Variants in DISC1 observed in about 807,000 individuals in gnomAD.
The protein encoded by DISC1 is disrupted in schizophrenia 1 protein.
A neutral mutation model predicts 84.5 loss-of-function variants in DISC1; 57 were observed. The observed-to-expected ratio is 0.67, with a 90% confidence interval of 0.55 to 0.84. DISC1 has a LOEUF of 0.84. Among genes scored for constraint, DISC1 ranks in the 40% least tolerant of loss-of-function variants. The pLI is 0.00. For missense variants in DISC1, 1,000 were observed against 1,057.8 expected (o/e 0.95, Z 0.76); for synonymous variants, 411 against 415.2 (o/e 0.99, Z 0.12).
intron 9 of DISC1, among the ~76,000 whole-genome samples, chr1:231,870,185 A>C (rs946519905): frequency 1.3e-5 from 2 of 152,162 alleles, no homozygotes; most frequent in African/African-American, 4.8e-5. Context: ...GAAGCTCCTG[A>C]TATGGGAACA....
rs369855817 is a variant in DISC1, at chr1:231,697,489, G to A, written c.1047+2684G>A. Among the ~76,000 whole-genome samples, 27 of 152,086 alleles carry A rather than the reference G, an allele frequency of 1.8e-4. 1 individual carries two copies. The South Asian group carries it at 5.4e-3, about 30-fold the overall frequency. On this transcript the variant is annotated intron_variant, in intron 2 of 12. Transcript: ENST00000439617. ...GACGGGGTCTCTGTCTTCCAGGCTG[G>A]GGTGCAGTGGTGTGATCATAACTCA...
intron 1 of DISC1, among the ~76,000 whole-genome samples, chr1:231,639,714 T>C (rs1165740413): frequency 6.6e-6 from 1 of 152,170 alleles, no homozygotes; most frequent in African/African-American, 2.4e-5. Context: ...ATTTACACAG[T>C]TGTAGTGAAG....
At chr1:231,850,850 C>T (rs1392863698) in intron 9 of DISC1, among the ~76,000 whole-genome samples, 1 of 152,190 alleles carries the variant, frequency 6.6e-6, no homozygotes. Context: ...CGCTCTGGCT[C>T]TCTGCTATCT....
intron 9 of DISC1, among the ~76,000 whole-genome samples, chr1:231,832,697 C>T (rs112855008): frequency 0.21 from 29,704 of 138,578 alleles, 3,571 homozygotes; most frequent in Non-Finnish European, 0.24. Flanking sequence ...GTTTGAGATC[C>T]AGAACAGAAT....
rs376548822 is a variant in DISC1 at position 232,015,449 on chromosome 1, G to A, written c.2307+6400G>A. 1.2e-4 allele frequency among the ~76,000 whole-genome samples: 18 copies of A among 152,250 alleles called. No individual in the cohort carries two copies. In the South Asian group the frequency reaches 1.2e-3, roughly 11 times the overall value. ...TGAATGGCAAGGACTCATTTTCTGC[G>A]TTTGTAACAGAGGAGGTGTTATCCA... On this transcript the variant is annotated intron_variant, in intron 11 of 12. Coordinates refer to ENST00000439617, the MANE Select transcript of DISC1 (RefSeq NM_018662.3).
chr1:231,959,894 CG>C (rs1238558882), intron 10 of DISC1, among the ~76,000 whole-genome samples: 16 of 152,296 alleles, frequency 1.1e-4, no homozygotes, highest in Admixed American at 1.3e-4. Flanking sequence ...CGCATGTGTT[CG>C]GGGCAGATTT....
At chr1:231,766,963 A>G (rs952165226) in intron 4 of DISC1, among the ~76,000 whole-genome samples, 177 bp from the exon 5 acceptor site, 1 of 152,204 alleles carries the variant, frequency 6.6e-6, no homozygotes, top group African/African-American at 2.4e-5. Flanking sequence ...ATCACAAGAG[A>G]TTGTAATTCA....
chr1:231,822,435 C>T (rs1382461319), intron 9 of DISC1, among the ~76,000 whole-genome samples: 3 of 151,998 alleles, frequency 2.0e-5, no homozygotes, highest in Admixed American at 6.5e-5. Flanking sequence ...ATTTGTCTTT[C>T]GGTGAGTAAG....
Position 231,818,518 on chromosome 1 carries a change from G to A in DISC1, c.1981+1G>A, listed in dbSNP as rs748476505. On this transcript the variant is annotated splice_donor_variant, in intron 9 of 12. Transcript: ENST00000439617. LOFTEE classifies it high-confidence loss of function. ...GTGGAGCACCAGGAGACTGCCTATG[G>A]TAGGTAGTGCACAACTGTTCCCCGG... The A allele has an allele frequency of 6.2e-7, 1 of 1,614,040 alleles. No individual in the cohort carries two copies. The highest frequency in any genetic ancestry group is 1.1e-5 in the South Asian group (1 of 91,076).
intron 3 of DISC1, among the ~76,000 whole-genome samples, chr1:231,728,813 C>G (rs1036208528): frequency 1.1e-5 from 1 of 90,078 alleles, no homozygotes; most frequent in Non-Finnish European, 2.6e-5. Flanking sequence ...GTGTATCTTT[C>G]GGCTTCTCCT....
chr1:231,892,302 CAG>C (rs1448991879), intron 9 of DISC1, among the ~76,000 whole-genome samples: 3 of 152,156 alleles, frequency 2.0e-5, no homozygotes, highest in Admixed American at 6.5e-5. Flanking sequence ...GCATGAAACA[CAG>C]AGAATTCTTG....
intron 7 of DISC1, among the ~76,000 whole-genome samples, chr1:231,798,228 GGGTTACCCAAACCAAAA>G (rs1372718240): frequency 6.6e-6 from 1 of 151,704 alleles, no homozygotes; most frequent in Non-Finnish European, 1.5e-5. Context: ...AAACTCTTAT[GGGTTACCCAAACCAAAA>G]GTAATTAAGG....
intron 11 of DISC1, among the ~76,000 whole-genome samples, chr1:232,020,283 A>C (rs959680659): frequency 1.3e-5 from 2 of 152,172 alleles, no homozygotes; most frequent in African/African-American, 4.8e-5. Flanking sequence ...CAGAGGTCGC[A>C]GTGAGCCGAG....
chr1:231,999,004 A>G (rs1666318963), intron 10 of DISC1, among the ~76,000 whole-genome samples: 1 of 152,160 alleles, frequency 6.6e-6, no homozygotes, highest in South Asian at 2.1e-4. Context: ...GCAAATTTAT[A>G]TGGAAAAACA....
chr1:231,934,288 T>C (rs2090850082), intron 9 of DISC1, among the ~76,000 whole-genome samples: 1 of 152,196 alleles, frequency 6.6e-6, no homozygotes, highest in Admixed American at 6.5e-5. Flanking sequence ...GTTAGTTAAA[T>C]ATTGAAATAA....
chr1:231,678,054 T>A (rs961928984), intron 1 of DISC1, among the ~76,000 whole-genome samples: 1 of 152,080 alleles, frequency 6.6e-6, no homozygotes, highest in African/African-American at 2.4e-5. Context: ...GTAAACCTCA[T>A]ACATAATGAT....
At chr1:231,766,832 G>C (rs1401087933) in intron 4 of DISC1, among the ~76,000 whole-genome samples, 1 of 152,132 alleles carries the variant, frequency 6.6e-6, no homozygotes, top group Non-Finnish European at 1.5e-5. Context: ...AATCTGGTGT[G>C]TGTTTTACAC....
intron 9 of DISC1, chr1:231,944,911 C>T (rs1338874111): frequency 1.3e-5 from 2 of 152,208 alleles, no homozygotes; most frequent in Non-Finnish European, 2.9e-5. Context: ...AATATATCTG[C>T]ACCCAATACA....
chr1:231,799,314 T>C (rs1179757387), intron 7 of DISC1, among the ~76,000 whole-genome samples: 1 of 152,154 alleles, frequency 6.6e-6, no homozygotes, highest in Non-Finnish European at 1.5e-5. Context: ...ACAGTGTCTA[T>C]TAATACTAGT....
Sources: gnomAD v4.1 joint callset for allele counts (sites outside exome capture counted in the v4.1 genomes callset) on GRCh38, gnomAD v4.1.1 for gene constraint, MANE v1.5 for transcripts, NCBI Gene and HGNC (gene_info 2026-07-23, HGNC 2026-07-21) for gene names.